Variants in CEP126 observed in about 807,000 individuals in gnomAD.
The protein encoded by CEP126 is centrosomal protein of 126 kDa.
Under a neutral mutation model 107.8 loss-of-function variants are expected in CEP126, and 74 were observed. The ratio of observed to expected loss-of-function variants is 0.69; its 90% CI spans 0.57 to 0.83. The LOEUF (loss-of-function observed/expected upper bound fraction) is 0.83. CEP126 is among the 40% of genes least tolerant of loss of function. The pLI is 0.00. For missense variants in CEP126, 1,237 were observed against 1,281.9 expected (o/e 0.96, Z 0.53); for synonymous variants, 449 against 446.0 (o/e 1.01, Z -0.08).
At chr11:101,988,669 C>G (rs1003918511) in intron 9 of CEP126, among the ~76,000 whole-genome samples, 1 of 151,962 alleles carries the variant, frequency 6.6e-6, no homozygotes, top group African/African-American at 2.4e-5. Flanking sequence ...AAGTAACTTT[C>G]AAATTTAATA....
chr11:101,942,574 T>TC (rs1172451479), intron 2 of CEP126, among the ~76,000 whole-genome samples: 1 of 151,142 alleles, frequency 6.6e-6, no homozygotes, highest in African/African-American at 2.4e-5. Context: ...TTTTTTTTTT[T>TC]TTCAGTATTA....
rs746053364 is a variant in CEP126 at position 101,922,636 on chromosome 11, A to G, written c.129-5A>G. On this transcript the variant is annotated splice_polypyrimidine_tract_variant and splice_region_variant and intron_variant, in intron 1 of 10. Coordinates refer to ENST00000263468, the MANE Select transcript of CEP126 (RefSeq NM_020802.4). Reference sequence around the variant, plus strand: ...CCATTGTTCTTAACTTAATGCTATCATTAGAGATATGAAAATCCATCTGGA... The same window carrying G: ...CCATTGTTCTTAACTTAATGCTATCGTTAGAGATATGAAAATCCATCTGGA... 7 of 1,599,552 alleles carry G rather than the reference A, an allele frequency of 4.4e-6. No individual in the cohort carries two copies. Among genetic ancestry groups the G allele is most frequent in the Non-Finnish European group, 6.0e-6 (7 of 1,167,528 alleles).
intron 2 of CEP126, among the ~76,000 whole-genome samples, chr11:101,934,999 T>A (rs1329012983): frequency 6.6e-6 from 1 of 152,034 alleles, no homozygotes; most frequent in East Asian, 1.9e-4. Flanking sequence ...AGGGCTGACC[T>A]TTTTTACACA....
chr11:101,935,168 T>C (rs892614860), intron 2 of CEP126, among the ~76,000 whole-genome samples: 2 of 152,036 alleles, frequency 1.3e-5, no homozygotes, highest in African/African-American at 4.8e-5. Context: ...AAATATTTTG[T>C]CCGTGTTTTA....
chr11:101,940,540 G>A (rs1940648703), intron 2 of CEP126, among the ~76,000 whole-genome samples: 1 of 152,182 alleles, frequency 6.6e-6, no homozygotes, highest in African/African-American at 2.4e-5. Context: ...TGTGTTGAAT[G>A]GTTGAGCTGG....
chr11:101,943,555 C>A (rs887422169), intron 2 of CEP126, among the ~76,000 whole-genome samples: 9 of 150,890 alleles, frequency 6.0e-5, no homozygotes, highest in African/African-American at 2.2e-4. Flanking sequence ...TACACACACA[C>A]ACACACAGTC....
intron 6 of CEP126, among the ~76,000 whole-genome samples, chr11:101,968,855 C>G (rs562753506): frequency 2.6e-5 from 4 of 152,016 alleles, no homozygotes; most frequent in African/African-American, 7.2e-5. Context: ...ATATTTTACC[C>G]TAGAAATAGG....
chr11:101,982,944 C>T (rs561521414), intron 8 of CEP126, among the ~76,000 whole-genome samples: 84 of 152,244 alleles, frequency 5.5e-4, no homozygotes, highest in African/African-American at 1.9e-3. Flanking sequence ...AAAAAAGATC[C>T]TCTCAGCCCT....
chr11:101,920,251 T>G (rs1306015486), intron 1 of CEP126, among the ~76,000 whole-genome samples: 1 of 152,218 alleles, frequency 6.6e-6, no homozygotes, highest in Middle Eastern at 3.2e-3. Flanking sequence ...CCTGTTATTC[T>G]GAAATATGTA....
intron 1 of CEP126, among the ~76,000 whole-genome samples, chr11:101,917,433 G>A (rs2137074761): frequency 6.6e-6 from 1 of 152,132 alleles, no homozygotes; most frequent in African/African-American, 2.4e-5. Flanking sequence ...ATGATACTCA[G>A]AGGCCATCTG....
chr11:101,919,621 C>A (rs990364965), intron 1 of CEP126, among the ~76,000 whole-genome samples: 10 of 151,892 alleles, frequency 6.6e-5, no homozygotes, highest in African/African-American at 2.4e-4. Flanking sequence ...CAGCAGGATT[C>A]TTTATATTAA....
intron 2 of CEP126, among the ~76,000 whole-genome samples, chr11:101,937,400 A>C (rs1940598702): frequency 6.6e-6 from 1 of 152,248 alleles, no homozygotes; most frequent in African/African-American, 2.4e-5. Flanking sequence ...GCATCACCGG[A>C]ATACCTGTAT....
In CEP126 at chr11:101,999,801, C is replaced by T. The variant is rs1204450814; in HGVS notation, c.*2158C>T. The T allele has an allele frequency of 1.3e-5, 2 of 152,436 alleles. No individual in the cohort carries two copies. The highest frequency in any genetic ancestry group is 1.9e-4 in the East Asian group (1 of 5,192). The allele number at this position is 152,436 out of a possible 1,614,324, so 9.4% of individuals were successfully genotyped here. On this transcript the variant is annotated 3_prime_UTR_variant, in exon 11 of 11. Transcript: ENST00000263468. ...GTGGCTCATGCATGTAATTCTAGCA[C>T]TTTGGAGGCCAAGGCAGGAGGACTG...
intron 9 of CEP126, 112 bp downstream of exon 9, chr11:101,987,153 A>T (rs1941326216): frequency 1.4e-6 from 1 of 696,258 alleles, no homozygotes; most frequent in East Asian, 2.7e-5. Flanking sequence ...TATCCATATT[A>T]CCAACTACCT....
intron 8 of CEP126, among the ~76,000 whole-genome samples, 185 bp from the exon 9 acceptor site, chr11:101,986,647 G>A (rs1436470102): frequency 1.3e-5 from 2 of 152,112 alleles, no homozygotes; most frequent in African/African-American, 4.8e-5. Context: ...AAAAACGAAG[G>A]ATAGGAAAAT....
chr11:101,948,537 A>C (rs959834288), intron 4 of CEP126, among the ~76,000 whole-genome samples: 1 of 152,174 alleles, frequency 6.6e-6, no homozygotes. Flanking sequence ...TTCCTCACTG[A>C]AAATCTCTCC....
chr11:101,958,865 C>A (rs1328528498), intron 5 of CEP126, among the ~76,000 whole-genome samples: 1 of 152,124 alleles, frequency 6.6e-6, no homozygotes, highest in Non-Finnish European at 1.5e-5. Flanking sequence ...AACAATTAAT[C>A]AACAGTGGCA....
At chr11:101,974,702 T>C (rs1439645324) in intron 6 of CEP126, among the ~76,000 whole-genome samples, 3 of 152,292 alleles carry the variant, frequency 2.0e-5, no homozygotes, top group East Asian at 3.9e-4. Context: ...CATATGAAAC[T>C]AGGAATTTGG....
chr11:101,980,000 G>A (rs1371678908), intron 7 of CEP126, among the ~76,000 whole-genome samples: 1 of 151,974 alleles, frequency 6.6e-6, no homozygotes, highest in Admixed American at 6.6e-5. Context: ...CCAAGTTACT[G>A]GTTGAAGGTG....
Sources: allele counts gnomAD v4.1 joint callset (sites outside exome capture counted in the v4.1 genomes callset), GRCh38; gene constraint gnomAD v4.1.1; transcripts MANE v1.5; gene names NCBI Gene and HGNC (gene_info 2026-07-23, HGNC 2026-07-21).